Variants in PRAMEF19 observed in about 807,000 individuals in gnomAD.
The protein encoded by PRAMEF19 is PRAME family member 19.
PRAMEF19 carries 21 observed loss-of-function variants against 33.1 expected under a neutral mutation model. The observed-to-expected ratio is 0.63, with a 90% confidence interval of 0.45 to 0.91. The LOEUF is 0.91. PRAMEF19 is among the 40% of genes least tolerant of loss of function. The pLI is 0.00. For missense variants in PRAMEF19, 481 were observed against 585.2 expected (o/e 0.82, Z 1.84); for synonymous variants, 179 against 229.3 (o/e 0.78, Z 1.98).
upstream of PRAMEF19, chr1:13,371,933 A>G: frequency 1.2e-6 from 2 of 1,611,970 alleles, no homozygotes; most frequent in South Asian, 2.2e-5. Context: ...TCCAGAGAAA[A>G]GACAAACTTA....
exon 3 of PRAMEF19, chr1:13,369,549 T>A (rs774503833): frequency 4.3e-6 from 7 of 1,613,904 alleles, no homozygotes; most frequent in Non-Finnish European, 5.9e-6. Context: ...TTCAGTTGAC[T>A]GAGACTTGGG....
exon 3 of PRAMEF19, chr1:13,369,383 C>A (rs751509729): frequency 2.0e-5 from 33 of 1,612,252 alleles, no homozygotes; most frequent in Non-Finnish European, 2.6e-5. Context: ...GTTGGAGCAG[C>A]GGCTCAGGGC....
chr1:13,369,619 C>A, exon 3 of PRAMEF19: 2 of 1,613,940 alleles, frequency 1.2e-6, no homozygotes, highest in Non-Finnish European at 8.5e-7. Context: ...ATGCCAATGT[C>A]TCCAACGGGC....
At chr1:13,370,568 C>T (rs1268540917) in intron 2 of PRAMEF19, 81 bp downstream of exon 2, 4 of 1,569,328 alleles carry the variant, frequency 2.5e-6, no homozygotes, top group African/African-American at 2.7e-5. Flanking sequence ...GGCTGGCACA[C>T]AGTAGATGCT....
At chr1:13,371,826 G>A (rs1429696583) in exon 1 of PRAMEF19, 1 of 1,611,866 alleles carries the variant, frequency 6.2e-7, no homozygotes, top group African/African-American at 1.3e-5. Context: ...CCAGGACGGA[G>A]ATGGCCAAGG....
intron 2 of PRAMEF19, 123 bp from the exon 3 acceptor site, chr1:13,369,763 G>A: frequency 1.5e-6 from 2 of 1,348,466 alleles, no homozygotes; most frequent in South Asian, 1.3e-5. Context: ...TCTAATCATG[G>A]TCCTCCCGCA....
At chr1:13,369,451 C>G in exon 3 of PRAMEF19, 2 of 1,613,954 alleles carry the variant, frequency 1.2e-6, no homozygotes, top group Non-Finnish European at 1.7e-6. Flanking sequence ...AGAAGAGGGT[C>G]TGAAGAGTGG....
chr1:13,371,531 T>G (rs1488417024), intron 1 of PRAMEF19, 83 bp downstream of exon 1: 2 of 1,603,504 alleles, frequency 1.2e-6, no homozygotes, highest in Admixed American at 3.4e-5. Flanking sequence ...CAGAAGCCCC[T>G]GGGCCACCCC....
At chr1:13,369,994 C>T (rs1204528693) in intron 2 of PRAMEF19, among the ~76,000 whole-genome samples, 4 of 152,112 alleles carry the variant, frequency 2.6e-5, no homozygotes, top group African/African-American at 9.7e-5. Context: ...GCTAGGGCTA[C>T]CTGCTTTCAG....
At chr1:13,370,651 G>A (rs1409156524) in exon 2 of PRAMEF19, 22 of 1,613,772 alleles carry the variant, frequency 1.4e-5, no homozygotes, top group Non-Finnish European at 1.8e-5. Context: ...TTCCTCACCT[G>A]ATCAGCTGGT....
chr1:13,369,342 T>A, exon 3 of PRAMEF19: 1 of 1,612,074 alleles, frequency 6.2e-7, no homozygotes, highest in African/African-American at 1.3e-5. Flanking sequence ...TCCATGGACG[T>A]GTCATTGCCG....
At position 13,371,724 on chromosome 1, in the gene PRAMEF19, C is replaced by T; in HGVS notation, c.177G>A (p.Trp59Ter). ...ACCCCAGAGGGAGGCAGGGGAAGGG[C>T]CAGGCCTGCACCATCACCTTCAGAA... The change falls in exon 1 of 3, where the codon TGG (tryptophan) becomes TGA (stop). Residue 59 changes from tryptophan to a stop codon, truncating the protein, a stop_gained. Coordinates refer to ENST00000376101, the Ensembl canonical transcript of PRAMEF19. LOFTEE classifies it high-confidence loss of function. The T allele has an allele frequency of 6.2e-7, 1 of 1,609,496 alleles. No individual in the cohort carries two copies. Among genetic ancestry groups the T allele is most frequent in the Non-Finnish European group, 8.5e-7 (1 of 1,178,938 alleles).
chr1:13,371,886 G>A, exon 1 of PRAMEF19: 1 of 1,611,890 alleles, frequency 6.2e-7, no homozygotes, highest in Non-Finnish European at 8.5e-7. Flanking sequence ...GTCTGCGTGG[G>A]GCCTGGAAGC....
At position 13,370,835 on chromosome 1, in the gene PRAMEF19, TA is replaced by T; in HGVS notation, c.679del (p.Tyr227ThrfsTer2). The T allele has an allele frequency of 6.2e-7, 1 of 1,613,962 alleles. No homozygotes were observed. Among genetic ancestry groups the T allele is most frequent in the Non-Finnish European group, 8.5e-7 (1 of 1,179,862 alleles). On this transcript the variant is annotated frameshift_variant, in exon 2 of 3. Coordinates refer to ENST00000376101, the Ensembl canonical transcript of PRAMEF19. LOFTEE classifies it high-confidence loss of function. ...TCGAAGATTCTTCATCTGGCTCAGGTAACGGCTAACCTCTGCTACCATACAC... is the reference window on the plus strand; with the variant it reads ...TCGAAGATTCTTCATCTGGCTCAGGTACGGCTAACCTCTGCTACCATACAC...
At chr1:13,371,038 G>T in exon 2 of PRAMEF19, 2 of 1,611,910 alleles carry the variant, frequency 1.2e-6, no homozygotes, top group Non-Finnish European at 8.5e-7. Flanking sequence ...CTTCATCCAC[G>T]GATTTTTCCT....
At chr1:13,371,543 G>A in intron 1 of PRAMEF19, 71 bp downstream of exon 1, 1 of 1,607,338 alleles carries the variant, frequency 6.2e-7, no homozygotes, top group Non-Finnish European at 8.5e-7. Context: ...GGCCACCCCA[G>A]GTTCCCAATT....
At chr1:13,371,551 A>G (rs1304867083) in intron 1 of PRAMEF19, 63 bp downstream of exon 1, 14 of 1,609,390 alleles carry the variant, frequency 8.7e-6, no homozygotes, top group East Asian at 4.5e-5. Context: ...CAGGTTCCCA[A>G]TTTGTCTGAC....
chr1:13,369,308 T>G, exon 3 of PRAMEF19: 2 of 1,612,042 alleles, frequency 1.2e-6, no homozygotes, highest in Middle Eastern at 2.3e-4. Flanking sequence ...CCTGCCTGTG[T>G]GGCGCAGCAG....
chr1:13,369,192 G>A lies in PRAMEF19; in HGVS notation c.1315C>T (p.Arg439Cys), dbSNP rs201686805. Residue 439 changes from arginine to cysteine, a missense_variant, in exon 3 of 3, where the codon CGT (arginine) becomes TGT (cysteine). Physicochemically the swap from Arg to Cys is radical, Grantham distance 180. This residue lies in a region of PRAMEF19 where 392 missense variants were observed against 397.5 expected (regional missense o/e 0.99). Transcript: ENST00000376101. ...GGCTCCCTTACTTCCCTCAGTATAC[G>A]CATCAGCTCAGCCTGAAGTGGGGTG... 1.9e-5 allele frequency: 31 copies of A among 1,611,838 alleles called. No individual in the cohort carries two copies. The highest frequency in any genetic ancestry group is 1.3e-4 in the East Asian group (6 of 44,878).
Sources: gnomAD v4.1 joint callset for allele counts (sites outside exome capture counted in the v4.1 genomes callset) on GRCh38, gnomAD v4.1.1 for gene constraint, gnomAD v4.1.1 regional missense constraint, MANE v1.5 for transcripts, NCBI Gene and HGNC (gene_info 2026-07-23, HGNC 2026-07-21) for gene names.